The following NAALADL2 variants were observed in gnomAD, a reference collection of about 807,000 sequenced individuals.
The protein encoded by NAALADL2 is N-acetylated alpha-linked acidic dipeptidase like 2.
NAALADL2 carries 76 observed loss-of-function variants against 87.2 expected under a neutral mutation model. That is an observed-to-expected ratio of 0.87 (90% CI 0.72 to 1.05). NAALADL2 has a LOEUF of 1.05. Ranked by LOEUF, NAALADL2 falls within the 50% of genes least tolerant of loss-of-function variation. The pLI is 0.00. For missense variants in NAALADL2, 1,089 were observed against 945.8 expected (o/e 1.15, Z -1.99); for synonymous variants, 354 against 331.0 (o/e 1.07, Z -0.75).
chr3:174,881,399 A>G (rs1201334038), intron 1 of NAALADL2, among the ~76,000 whole-genome samples: 1 of 152,100 alleles, frequency 6.6e-6, no homozygotes, highest in South Asian at 2.1e-4. Context: ...ATTACACAAT[A>G]GCCTCAATAG....
rs562928330 is a variant in NAALADL2 at position 174,836,641 on chromosome 3, G to A, written c.-9+98895G>A. Among the ~76,000 whole-genome samples, 132 of 147,540 alleles carry A rather than the reference G, an allele frequency of 8.9e-4. 2 individuals carry two copies. The South Asian group carries it at 0.022, about 25-fold the overall frequency. On this transcript the variant is annotated intron_variant, in intron 3 of 3. Coordinates refer to the NAALADL2 transcript ENST00000434257. The stretch of plus-strand genomic sequence containing the variant: ...GAAGAATGGTGTGAACCCGGGAGGC[G>A]GAGCTTGCAGTGAGCCGAAATCGCG...
intron 1 of NAALADL2, among the ~76,000 whole-genome samples, chr3:174,890,843 T>C (rs901382488): frequency 6.6e-6 from 1 of 152,184 alleles, no homozygotes; most frequent in African/African-American, 2.4e-5. Flanking sequence ...ATAAAAAATA[T>C]TGATTTCTTT....
intron 2 of NAALADL2, among the ~76,000 whole-genome samples, chr3:174,637,616 A>C (rs951354862): frequency 2.6e-5 from 4 of 152,118 alleles, no homozygotes; most frequent in Non-Finnish European, 5.9e-5. Flanking sequence ...CTGTCCAAAT[A>C]TAGGAGAACA....
At chr3:175,717,451 G>A (rs1012395247) in intron 11 of NAALADL2, among the ~76,000 whole-genome samples, 3 of 152,006 alleles carry the variant, frequency 2.0e-5, no homozygotes, top group Non-Finnish European at 4.4e-5. Context: ...CAGCACTTTG[G>A]GAGGCCGAGG....
intron 1 of NAALADL2, among the ~76,000 whole-genome samples, chr3:174,501,772 T>A (rs1251648956): frequency 1.3e-5 from 2 of 152,064 alleles, no homozygotes; most frequent in Admixed American, 6.5e-5. Flanking sequence ...ATTGGTAATT[T>A]ATATCTTTTT....
chr3:175,083,491 T>G (rs952785974), intron 1 of NAALADL2, among the ~76,000 whole-genome samples: 7 of 152,162 alleles, frequency 4.6e-5, no homozygotes, highest in Non-Finnish European at 8.8e-5. Flanking sequence ...TATAAAATGA[T>G]TTCATTTAGT....
At chr3:174,839,756 C>T (rs1403660706) in intron 3 of NAALADL2, among the ~76,000 whole-genome samples, 1 of 151,874 alleles carries the variant, frequency 6.6e-6, no homozygotes, top group Non-Finnish European at 1.5e-5. Flanking sequence ...GCTCTACATA[C>T]ACTAATTATC....
intron 5 of NAALADL2, among the ~76,000 whole-genome samples, chr3:175,423,028 A>AAAAAAATATATATATAT (rs1438736874): frequency 1.8e-4 from 20 of 111,270 alleles, no homozygotes; most frequent in Non-Finnish European, 2.9e-4. Flanking sequence ...GAAAAAAAAA[A>AAAAAAATATATATATAT]ATATATATAT....
chr3:175,462,705 T>A (rs1320739134), intron 6 of NAALADL2, among the ~76,000 whole-genome samples: 3 of 152,186 alleles, frequency 2.0e-5, no homozygotes, highest in Non-Finnish European at 4.4e-5. Context: ...CTCCAGAGAC[T>A]ATGTCAGTTC....
intron 2 of NAALADL2, among the ~76,000 whole-genome samples, chr3:175,231,738 T>C (rs1249793287): frequency 6.6e-6 from 1 of 152,156 alleles, no homozygotes; most frequent in Non-Finnish European, 1.5e-5. Flanking sequence ...TTCTTCTCTT[T>C]GTCTGTCAAT....
chr3:174,735,511 G>C (rs895140919), intron 2 of NAALADL2, among the ~76,000 whole-genome samples: 4 of 152,078 alleles, frequency 2.6e-5, no homozygotes, highest in African/African-American at 9.7e-5. Flanking sequence ...TTTTCCCAAA[G>C]AGATACTAAG....
intron 13 of NAALADL2, 33 bp downstream of exon 13, chr3:175,755,451 G>T (rs1374386548): frequency 2.0e-6 from 3 of 1,482,324 alleles, no homozygotes; most frequent in Non-Finnish European, 2.7e-6. Flanking sequence ...TATACTTTTT[G>T]CCCTACATTA....
chr3:174,820,398 A>G (rs1721288172), intron 3 of NAALADL2, among the ~76,000 whole-genome samples: 1 of 152,154 alleles, frequency 6.6e-6, no homozygotes, highest in African/African-American at 2.4e-5. Flanking sequence ...CACCACATAT[A>G]CTTTTTCATT....
intron 5 of NAALADL2, among the ~76,000 whole-genome samples, chr3:175,357,537 A>G (rs1423811101): frequency 6.6e-6 from 1 of 152,150 alleles, no homozygotes; most frequent in East Asian, 1.9e-4. Context: ...TTTATTTGGT[A>G]TCATATTTTG....
intron 3 of NAALADL2, among the ~76,000 whole-genome samples, chr3:174,780,097 C>G (rs139610272): frequency 1.3e-3 from 195 of 152,248 alleles, no homozygotes; most frequent in Non-Finnish European, 2.1e-3. Context: ...TTCTTTCTGT[C>G]CATGAGCATG....
intron 1 of NAALADL2, among the ~76,000 whole-genome samples, chr3:174,511,082 T>G (rs1348137460): frequency 6.6e-6 from 1 of 152,008 alleles, no homozygotes; most frequent in Non-Finnish European, 1.5e-5. Flanking sequence ...ATCTTTTAAA[T>G]TTATTAAGAT....
At chr3:175,212,201 T>C (rs866421463) in intron 2 of NAALADL2, among the ~76,000 whole-genome samples, 6 of 152,052 alleles carry the variant, frequency 3.9e-5, no homozygotes, top group Non-Finnish European at 7.4e-5. Context: ...TCCTATATGG[T>C]GCCCATGTCC....
At chr3:174,770,020 A>G (rs910026778) in intron 3 of NAALADL2, among the ~76,000 whole-genome samples, 7 of 152,176 alleles carry the variant, frequency 4.6e-5, no homozygotes, top group Admixed American at 2.6e-4. Context: ...TTGCATATCA[A>G]TGATGAAATT....
intron 4 of NAALADL2, among the ~76,000 whole-genome samples, chr3:175,312,959 A>G (rs1198018946): frequency 6.6e-6 from 1 of 152,196 alleles, no homozygotes; most frequent in Non-Finnish European, 1.5e-5. Flanking sequence ...TAGGGCTGCC[A>G]TAGTAAAATA....
Sources: gnomAD v4.1 joint callset for allele counts (sites outside exome capture counted in the v4.1 genomes callset) on GRCh38, gnomAD v4.1.1 for gene constraint, MANE v1.5 for transcripts, NCBI Gene and HGNC (gene_info 2026-07-23, HGNC 2026-07-21) for gene names.